The following AIDA variants were observed in gnomAD, a reference collection of about 807,000 sequenced individuals.
AIDA encodes the protein axin interactor, dorsalization-associated protein.
AIDA carries 18 observed loss-of-function variants against 42.7 expected under a neutral mutation model. That is an observed-to-expected ratio of 0.42 (90% CI 0.29 to 0.63). AIDA has a LOEUF of 0.63. AIDA is among the 20% of genes least tolerant of loss of function. The probability of loss-of-function intolerance (pLI) is 0.19; values close to 1 mark genes in which losing one functional copy is unlikely to be tolerated. For missense variants in AIDA, 250 were observed against 354.1 expected (o/e 0.71, Z 2.36); for synonymous variants, 104 against 122.9 (o/e 0.85, Z 1.02).
intron 2 of AIDA, among the ~76,000 whole-genome samples, chr1:222,698,052 A>G (rs937305836): frequency 2.6e-5 from 4 of 152,362 alleles, no homozygotes; most frequent in African/African-American, 9.6e-5. Flanking sequence ...TCAGGAATTC[A>G]GTGGAATGAA....
At chr1:222,703,039 T>G (rs781189638) in intron 2 of AIDA, 109 bp downstream of exon 2, 3 of 756,736 alleles carry the variant, frequency 4.0e-6, no homozygotes, top group Non-Finnish European at 6.2e-6. Context: ...TACTTAAGTA[T>G]AACAGTTTTT....
At chr1:222,674,600 C>T (rs543453821) in intron 7 of AIDA, among the ~76,000 whole-genome samples, 209 of 152,216 alleles carry the variant, frequency 1.4e-3, no homozygotes, top group Non-Finnish European at 2.5e-3. Context: ...TCAATGAATA[C>T]GTTTTTACAA....
chr1:222,685,618 T>C (rs1291458520), intron 6 of AIDA, among the ~76,000 whole-genome samples: 2 of 152,150 alleles, frequency 1.3e-5, no homozygotes, highest in South Asian at 4.1e-4. Context: ...AACTAGTTTA[T>C]TAGAAATAAA....
intron 1 of AIDA, 192 bp downstream of exon 1, chr1:222,712,016 C>G (rs984354490): frequency 2.7e-6 from 2 of 748,142 alleles, no homozygotes; most frequent in Non-Finnish European, 4.3e-6. Flanking sequence ...GCGAGTCACC[C>G]CAGAGAGCGG....
chr1:222,689,547 A>G lies in AIDA; in HGVS notation c.290-1889T>C, dbSNP rs186956453. On this transcript the variant is annotated intron_variant, in intron 4 of 9. Coordinates refer to ENST00000340020, the MANE Select transcript of AIDA (RefSeq NM_022831.4). ...CACACATACACACACACACATATATATACATATATATGTATATATATGTAT... is the reference window on the plus strand; with the variant it reads ...CACACATACACACACACACATATATGTACATATATATGTATATATATGTAT... 1.5e-3 allele frequency among the ~76,000 whole-genome samples: 134 copies of G among 91,414 alleles called. 3 individuals carry two copies. In the South Asian group the frequency reaches 0.021, roughly 14 times the overall value. The allele number at this position is 91,414 out of a possible 152,430, so 60.0% of individuals were successfully genotyped here. A position where few individuals can be genotyped will look rare whatever the true frequency, so the allele number is the denominator to read the frequency against.
intron 6 of AIDA, among the ~76,000 whole-genome samples, 160 bp from the exon 7 acceptor site, chr1:222,676,378 AT>A (rs1327900678): frequency 6.6e-6 from 1 of 152,180 alleles, no homozygotes; most frequent in Non-Finnish European, 1.5e-5. Flanking sequence ...ATTTTTCCAA[AT>A]GTTTAATTAT....
chr1:222,702,562 A>C (rs1558215844), intron 2 of AIDA, among the ~76,000 whole-genome samples: 1 of 152,188 alleles, frequency 6.6e-6, no homozygotes, highest in Non-Finnish European at 1.5e-5. Context: ...CAAGGAGAAA[A>C]GGCACGATTG....
chr1:222,712,073 C>T (rs1656083233), intron 1 of AIDA, 135 bp downstream of exon 1: 2 of 1,379,784 alleles, frequency 1.4e-6, no homozygotes, highest in Non-Finnish European at 9.9e-7. Context: ...GGCGAGGGAT[C>T]TCAGCCCCAG....
chr1:222,676,049 C>T (rs1363301703), intron 7 of AIDA, 47 bp downstream of exon 7: 9 of 1,526,188 alleles, frequency 5.9e-6, no homozygotes, highest in Non-Finnish European at 7.9e-6. Context: ...TGAGAAGCAA[C>T]ATTATAAAAT....
intron 8 of AIDA, among the ~76,000 whole-genome samples, chr1:222,672,117 T>A (rs1014394013): frequency 2.6e-5 from 4 of 152,062 alleles, no homozygotes; most frequent in Admixed American, 2.6e-4. Flanking sequence ...AACACTAATA[T>A]CAGTTAAAAC....
chr1:222,673,803 G>A (rs746788580), intron 7 of AIDA, among the ~76,000 whole-genome samples: 8 of 149,628 alleles, frequency 5.3e-5, no homozygotes, highest in Non-Finnish European at 1.0e-4. Flanking sequence ...TGCAAACTAG[G>A]TAGGGCACGG....
At chr1:222,674,937 T>G (rs552575838) in intron 7 of AIDA, among the ~76,000 whole-genome samples, 2 of 152,350 alleles carry the variant, frequency 1.3e-5, no homozygotes, top group East Asian at 3.9e-4. Flanking sequence ...TGGTGTACAT[T>G]CCTGCATGAG....
intron 2 of AIDA, among the ~76,000 whole-genome samples, chr1:222,694,942 A>ATCTGT (rs1201421255): frequency 3.3e-5 from 5 of 152,308 alleles, no homozygotes; most frequent in South Asian, 2.1e-4. Context: ...ACAGAACAAG[A>ATCTGT]TCTGTATTAG....
chr1:222,692,285 ACT>A (rs1254431068), intron 4 of AIDA, among the ~76,000 whole-genome samples: 3 of 152,008 alleles, frequency 2.0e-5, no homozygotes, highest in South Asian at 2.1e-4. Flanking sequence ...CATTCAGTAG[ACT>A]CTACACACTG....
chr1:222,676,480 GC>G (rs796538515), intron 6 of AIDA, among the ~76,000 whole-genome samples: 1 of 152,190 alleles, frequency 6.6e-6, no homozygotes, highest in African/African-American at 2.4e-5. Context: ...ACTCCAGGAA[GC>G]CCAATTATAA....
intron 2 of AIDA, 141 bp downstream of exon 2, chr1:222,703,007 G>A: frequency 1.7e-6 from 1 of 604,734 alleles, no homozygotes; most frequent in Non-Finnish European, 2.8e-6. Flanking sequence ...GTTAGGCAAA[G>A]CATAATCAAT....
intron 1 of AIDA, among the ~76,000 whole-genome samples, chr1:222,707,627 T>C (rs1426308208): frequency 6.6e-6 from 1 of 152,124 alleles, no homozygotes; most frequent in African/African-American, 2.4e-5. Context: ...AAAAGTGAAA[T>C]AAACCTGTCA....
chr1:222,699,094 C>T (rs958858311), intron 2 of AIDA, among the ~76,000 whole-genome samples: 7 of 152,080 alleles, frequency 4.6e-5, no homozygotes, highest in African/African-American at 1.7e-4. Flanking sequence ...CAAAGTGCTG[C>T]GATTACAGGT....
intron 7 of AIDA, among the ~76,000 whole-genome samples, chr1:222,675,565 T>C (rs1664529341): frequency 6.6e-6 from 1 of 152,242 alleles, no homozygotes; most frequent in Admixed American, 6.5e-5. Context: ...ATTCAGAGCA[T>C]GCATACTATG....
Sources: gnomAD v4.1 joint callset for allele counts (sites outside exome capture counted in the v4.1 genomes callset) on GRCh38, gnomAD v4.1.1 for gene constraint, MANE v1.5 for transcripts, NCBI Gene and HGNC (gene_info 2026-07-23, HGNC 2026-07-21) for gene names.